Variants in PTPRG observed in about 807,000 individuals in gnomAD.
PTPRG encodes the protein receptor-type tyrosine-protein phosphatase gamma.
PTPRG carries 102 observed loss-of-function variants against 165.3 expected under a neutral mutation model. The observed-to-expected ratio is 0.62, with a 90% CI of 0.53 to 0.73. PTPRG has a LOEUF of 0.73. Among genes scored for constraint, PTPRG ranks in the 30% least tolerant of loss-of-function variants. PTPRG has a pLI of 0.00. For missense variants in PTPRG, 1,866 were observed against 1,861.4 expected (o/e 1.00, Z -0.05); for synonymous variants, 675 against 669.5 (o/e 1.01, Z -0.13).
In PTPRG at chr3:61,802,503, T is replaced by C. The variant is rs183522995; in HGVS notation, c.190+53521T>C. On this transcript the variant is annotated intron_variant, in intron 2 of 29. Transcript: ENST00000474889. ...CAGGGGAAGTGTTGTCAAACAGTTA[T>C]GCCGGTTTCTTAGGTAAAGTTGGCC... is the stretch of plus-strand genomic sequence containing the variant. Among the ~76,000 whole-genome samples, 98 of 152,354 alleles carry C rather than the reference T, an allele frequency of 6.4e-4. 1 individual carries two copies. The highest frequency in any genetic ancestry group is 1.8e-3 in the African/African-American group (74 of 41,588).
intron 1 of PTPRG, among the ~76,000 whole-genome samples, chr3:61,633,808 A>G (rs1701830351): frequency 6.6e-6 from 1 of 151,920 alleles, no homozygotes; most frequent in Non-Finnish European, 1.5e-5. Flanking sequence ...ATAGTCTTTT[A>G]CTATTGAGTA....
At chr3:61,821,459 G>T (rs376820105) in intron 2 of PTPRG, among the ~76,000 whole-genome samples, 1 of 152,180 alleles carries the variant, frequency 6.6e-6, no homozygotes, top group African/African-American at 2.4e-5. Context: ...GTGAGCCACC[G>T]CGCACTGCCG....
At chr3:61,590,806 G>A (rs1700551095) in intron 1 of PTPRG, among the ~76,000 whole-genome samples, 1 of 152,006 alleles carries the variant, frequency 6.6e-6, no homozygotes, top group African/African-American at 2.4e-5. Flanking sequence ...TTACAGTATA[G>A]TATTCTATTG....
intron 1 of PTPRG, among the ~76,000 whole-genome samples, chr3:61,696,151 G>C (rs1037767075): frequency 6.6e-6 from 1 of 152,124 alleles, no homozygotes; most frequent in African/African-American, 2.4e-5. Context: ...CCCAATGCTT[G>C]TATGTTTGTG....
At chr3:61,712,183 C>T (rs192906643) in intron 1 of PTPRG, among the ~76,000 whole-genome samples, 20 of 152,162 alleles carry the variant, frequency 1.3e-4, no homozygotes, top group Admixed American at 2.6e-4. Flanking sequence ...TGTGAGCCAC[C>T]GCGCCCGGCC....
intron 2 of PTPRG, among the ~76,000 whole-genome samples, chr3:61,922,522 C>G (rs951066702): frequency 1.2e-4 from 18 of 152,198 alleles, no homozygotes; most frequent in Non-Finnish European, 2.9e-5. Flanking sequence ...GTTATTGCTG[C>G]AGGACCTAAG....
At chr3:61,674,013 A>G (rs1193256004) in intron 1 of PTPRG, among the ~76,000 whole-genome samples, 3 of 145,494 alleles carry the variant, frequency 2.1e-5, no homozygotes, top group African/African-American at 7.5e-5. Flanking sequence ...GGGGAACATC[A>G]CACACTGGCG....
intron 5 of PTPRG, among the ~76,000 whole-genome samples, chr3:62,085,189 C>T (rs1384145622): frequency 1.3e-5 from 2 of 152,158 alleles, no homozygotes; most frequent in African/African-American, 2.4e-5. Context: ...TAAAGGAAAC[C>T]TCTGTGTTTT....
intron 4 of PTPRG, among the ~76,000 whole-genome samples, chr3:62,052,495 C>G (rs973080419): frequency 4.6e-5 from 7 of 152,120 alleles, no homozygotes; most frequent in African/African-American, 1.7e-4. Flanking sequence ...GAATTCGAAA[C>G]CAGCCTGGGC....
At chr3:62,066,986 C>G (rs991967228) in intron 4 of PTPRG, among the ~76,000 whole-genome samples, 2 of 145,554 alleles carry the variant, frequency 1.4e-5, no homozygotes, top group African/African-American at 5.1e-5. Flanking sequence ...TGCAGTGAGC[C>G]GAGATCACGC....
At chr3:61,891,519 A>G (rs544581413) in intron 2 of PTPRG, among the ~76,000 whole-genome samples, 4 of 152,334 alleles carry the variant, frequency 2.6e-5, no homozygotes, top group East Asian at 1.9e-4. Context: ...TGTTTCATTC[A>G]TAGCCATTTT....
intron 1 of PTPRG, among the ~76,000 whole-genome samples, chr3:61,700,547 A>G (rs893005555): frequency 2.0e-4 from 30 of 152,164 alleles, no homozygotes; most frequent in African/African-American, 6.0e-4. Context: ...TACCCATTAT[A>G]ACATATTTCT....
intron 4 of PTPRG, among the ~76,000 whole-genome samples, chr3:62,005,992 C>T (rs565046240): frequency 6.6e-5 from 10 of 152,200 alleles, no homozygotes; most frequent in African/African-American, 1.7e-4. Flanking sequence ...CGTGAGCCAC[C>T]GTACCTGGCC....
chr3:62,282,940 AAAGG>A (rs1186143417), intron 28 of PTPRG, 71 bp downstream of exon 28: 1 of 1,438,728 alleles, frequency 7.0e-7, no homozygotes, highest in African/African-American at 1.5e-5. Context: ...AAGCAGTAGA[AAAGG>A]AAGCCAGAAT....
At chr3:62,003,708 A>G (rs1047707416) in intron 4 of PTPRG, among the ~76,000 whole-genome samples, 1 of 152,228 alleles carries the variant, frequency 6.6e-6, no homozygotes, top group African/African-American at 2.4e-5. Flanking sequence ...AGCCACAGGC[A>G]TCATGGTTTG....
At chr3:62,268,988 T>G in intron 19 of PTPRG, 47 bp from the exon 20 acceptor site, 1 of 1,493,300 alleles carries the variant, frequency 6.7e-7, no homozygotes, top group Non-Finnish European at 9.0e-7. Context: ...TCAACAGAAT[T>G]GTGGCATAGA....
intron 1 of PTPRG, among the ~76,000 whole-genome samples, chr3:61,712,137 G>T (rs138761519): frequency 2.6e-5 from 4 of 152,026 alleles, no homozygotes; most frequent in South Asian, 2.1e-4. Context: ...TAGGTGACCC[G>T]CCTGCCTTGG....
chr3:61,570,381 G>A (rs1330836043), intron 1 of PTPRG, among the ~76,000 whole-genome samples: 1 of 151,828 alleles, frequency 6.6e-6, no homozygotes, highest in Admixed American at 6.6e-5. Context: ...GTTGGCTGCT[G>A]AATTCTAGCA....
chr3:61,693,093 A>G lies in PTPRG; in HGVS notation c.86-55785A>G, dbSNP rs2030327067. On this transcript the variant is annotated intron_variant, in intron 1 of 29. Transcript: ENST00000474889. ...AATAAAAATGAAAAAAAGATTAACA[A>G]TGGAAGAATATTAAAAGTACAATTT... 1.3e-5 allele frequency among the ~76,000 whole-genome samples: 2 copies of G among 152,232 alleles called. 1 individual carries two copies. The highest frequency in any genetic ancestry group is 4.1e-4 in the South Asian group (2 of 4,832).
Sources: gnomAD v4.1 joint callset for allele counts (sites outside exome capture counted in the v4.1 genomes callset) on GRCh38, gnomAD v4.1.1 for gene constraint, MANE v1.5 for transcripts, NCBI Gene and HGNC (gene_info 2026-07-23, HGNC 2026-07-21) for gene names.